Variants in PLEK observed in about 807,000 individuals in gnomAD.
PLEK encodes the protein pleckstrin.
A neutral mutation model predicts 43.9 loss-of-function variants in PLEK; 25 were observed. The observed-to-expected ratio is 0.57, with a 90% CI of 0.41 to 0.79. PLEK has a LOEUF of 0.79. Among genes scored for constraint, PLEK ranks in the 30% least tolerant of loss-of-function variants. The pLI, the probability that PLEK is intolerant of heterozygous loss-of-function variation, is 0.00. For missense variants in PLEK, 396 were observed against 413.3 expected (o/e 0.96, Z 0.36); for synonymous variants, 152 against 144.4 (o/e 1.05, Z -0.38).
At chr2:68,395,582 C>A in intron 8 of PLEK, 98 bp from the exon 9 acceptor site, 1 of 1,303,624 alleles carries the variant, frequency 7.7e-7, no homozygotes, top group South Asian at 1.2e-5. Context: ...TTCCTTAGAA[C>A]ACGAAGAAAA....
intron 6 of PLEK, 106 bp downstream of exon 6, chr2:68,388,597 A>G: frequency 1.6e-6 from 1 of 633,272 alleles, no homozygotes; most frequent in Middle Eastern, 2.6e-4. Flanking sequence ...AGTCAAGCAG[A>G]AAATGAAACC....
chr2:68,372,362 G>T (rs1237169046), intron 1 of PLEK, among the ~76,000 whole-genome samples: 1 of 151,944 alleles, frequency 6.6e-6, no homozygotes, highest in Non-Finnish European at 1.5e-5. Flanking sequence ...TTTTAGTAGA[G>T]ACTGGCTTTC....
chr2:68,394,866 G>A (rs555205128), intron 8 of PLEK, among the ~76,000 whole-genome samples: 1 of 152,250 alleles, frequency 6.6e-6, no homozygotes, highest in African/African-American at 2.4e-5. Context: ...CCAAACCCTG[G>A]TTTTGTCCTG....
chr2:68,373,595 A>C (rs914071106), intron 1 of PLEK, among the ~76,000 whole-genome samples: 2 of 152,108 alleles, frequency 1.3e-5, no homozygotes, highest in South Asian at 2.1e-4. Flanking sequence ...ATAAAAAAAA[A>C]AAAAGAAAAG....
intron 4 of PLEK, among the ~76,000 whole-genome samples, chr2:68,386,279 A>G (rs1239065318): frequency 6.6e-6 from 1 of 152,050 alleles, no homozygotes; most frequent in East Asian, 1.9e-4. Flanking sequence ...TTTCTTCTTA[A>G]GCAGCATGTA....
chr2:68,375,226 G>A (rs1673480392), intron 1 of PLEK, among the ~76,000 whole-genome samples: 1 of 152,076 alleles, frequency 6.6e-6, no homozygotes, highest in African/African-American at 2.4e-5. Flanking sequence ...AAAATGCTAG[G>A]TACTCTAGCA....
At chr2:68,386,415 G>T in intron 4 of PLEK, 87 bp from the exon 5 acceptor site, 1 of 971,826 alleles carries the variant, frequency 1.0e-6, no homozygotes, top group Non-Finnish European at 1.6e-6. Context: ...CAGACCTGTG[G>T]GTGAGCTGGA....
In PLEK at chr2:68,396,273, T is replaced by C. The variant is rs974405115; in HGVS notation, c.*457T>C. On this transcript the variant is annotated 3_prime_UTR_variant, in exon 9 of 9. Coordinates refer to ENST00000234313, the MANE Select transcript of PLEK (RefSeq NM_002664.3). ...AGTTATCTTCAAATGTACCAGAACC[T>C]GAGCCAACGCCTCCCTGTGAAACTG... 1.9e-5 allele frequency: 3 copies of C among 161,924 alleles called. No individual in the cohort carries two copies. Among genetic ancestry groups the C allele is most frequent in the Middle Eastern group, 3.1e-3 (1 of 326 alleles). The allele number at this position is 161,924 out of a possible 1,614,324, so 10.0% of individuals were successfully genotyped here.
At chr2:68,391,087 G>T (rs996682421) in intron 6 of PLEK, among the ~76,000 whole-genome samples, 7 of 152,192 alleles carry the variant, frequency 4.6e-5, no homozygotes, top group Non-Finnish European at 1.0e-4. Flanking sequence ...AATATAAGTA[G>T]ATGGCTTTGA....
chr2:68,370,681 T>A (rs148824523), intron 1 of PLEK, among the ~76,000 whole-genome samples: 15 of 152,246 alleles, frequency 9.9e-5, no homozygotes, highest in African/African-American at 3.4e-4. Context: ...AGATGGGGTT[T>A]CACCATGTTG....
intron 1 of PLEK, among the ~76,000 whole-genome samples, chr2:68,379,303 A>G (rs1673565594): frequency 1.3e-5 from 2 of 152,150 alleles, no homozygotes; most frequent in Admixed American, 1.3e-4. Context: ...AGTGAGTCAG[A>G]TTAGTTGGTT....
chr2:68,372,312 C>T (rs1399772084), intron 1 of PLEK, among the ~76,000 whole-genome samples: 6 of 151,656 alleles, frequency 4.0e-5, no homozygotes, highest in South Asian at 4.2e-4. Context: ...TAGCTGGGAC[C>T]GTAGGTGTGC....
At chr2:68,385,442 A>C (rs935762494) in intron 4 of PLEK, among the ~76,000 whole-genome samples, 1 of 152,234 alleles carries the variant, frequency 6.6e-6, no homozygotes, top group Non-Finnish European at 1.5e-5. Flanking sequence ...TGATGTCATC[A>C]AATTTTAATT....
At chr2:68,368,119 C>T (rs567782513) in intron 1 of PLEK, among the ~76,000 whole-genome samples, 2 of 152,292 alleles carry the variant, frequency 1.3e-5, no homozygotes, top group Non-Finnish European at 2.9e-5. Flanking sequence ...TCCAGGTTTC[C>T]TCTTTTGCCT....
intron 1 of PLEK, among the ~76,000 whole-genome samples, chr2:68,370,508 C>T (rs1401119433): frequency 6.6e-6 from 1 of 152,058 alleles, no homozygotes; most frequent in African/African-American, 2.4e-5. Flanking sequence ...TATTTTGAGA[C>T]AGAGTATTGC....
chr2:68,374,282 A>G (rs755140786), intron 1 of PLEK, among the ~76,000 whole-genome samples: 16 of 152,198 alleles, frequency 1.1e-4, no homozygotes, highest in Non-Finnish European at 2.4e-4. Context: ...TATCTAATAC[A>G]CCTTTTACAT....
At chr2:68,370,973 T>A (rs1235859292) in intron 1 of PLEK, among the ~76,000 whole-genome samples, 1 of 152,206 alleles carries the variant, frequency 6.6e-6, no homozygotes, top group Non-Finnish European at 1.5e-5. Context: ...TAGATGATCA[T>A]GTAGAATATA....
At chr2:68,377,549 A>G (rs1293754232) in intron 1 of PLEK, among the ~76,000 whole-genome samples, 1 of 152,108 alleles carries the variant, frequency 6.6e-6, no homozygotes, top group Admixed American at 6.6e-5. Flanking sequence ...TCATATGCAC[A>G]CTTGCCATTT....
intron 1 of PLEK, among the ~76,000 whole-genome samples, chr2:68,377,326 GT>G (rs950413546): frequency 6.6e-6 from 1 of 152,078 alleles, no homozygotes; most frequent in African/African-American, 2.4e-5. Flanking sequence ...TCTGTTTTTA[GT>G]TTTTTGAGGA....
Sources: allele counts gnomAD v4.1 joint callset (sites outside exome capture counted in the v4.1 genomes callset), GRCh38; gene constraint gnomAD v4.1.1; transcripts MANE v1.5; gene names NCBI Gene and HGNC (gene_info 2026-07-23, HGNC 2026-07-21).